MREG: variants seen among roughly 807,000 people sequenced by gnomAD.
MREG encodes dilute suppressor protein homolog.
MREG carries 31 observed loss-of-function variants against 28.5 expected under a neutral mutation model. That is an observed-to-expected ratio of 1.09 (90% CI 0.82 to 1.47). The LOEUF is 1.47. Among genes scored for constraint, MREG ranks in the 40% most tolerant of loss-of-function variants. MREG has a pLI of 0.00. For missense variants in MREG, 256 were observed against 257.4 expected, an observed-to-expected ratio of 0.99 and a Z score of 0.04; for synonymous variants, 106 against 95.2, an observed-to-expected ratio of 1.11 and a Z score of -0.66.
chr2:215,961,761 C>G (rs553600115), intron 2 of MREG, among the ~76,000 whole-genome samples: 1 of 152,218 alleles, frequency 6.6e-6, no homozygotes, highest in South Asian at 2.1e-4. Flanking sequence ...ATCTACTTGC[C>G]CTTTCACTGA....
chr2:215,973,320 T>C (rs569811510), intron 2 of MREG, among the ~76,000 whole-genome samples: 2 of 152,300 alleles, frequency 1.3e-5, no homozygotes, highest in South Asian at 2.1e-4. Flanking sequence ...TCACTCCCCA[T>C]TGAAAGCAAC....
At chr2:216,010,559 G>A (rs1278891318) in intron 1 of MREG, among the ~76,000 whole-genome samples, 1 of 150,164 alleles carries the variant, frequency 6.7e-6, no homozygotes, top group Non-Finnish European at 1.5e-5. Context: ...GGGTTTCACC[G>A]TGTTAGCCAG....
At chr2:216,031,473 A>AAGAAAG (rs1234592327) in intron 1 of MREG, among the ~76,000 whole-genome samples, 2 of 110,568 alleles carry the variant, frequency 1.8e-5, no homozygotes, top group African/African-American at 6.6e-5. Flanking sequence ...GAAAGAAAGA[A>AAGAAAG]AGAGAAAGAA....
At chr2:215,958,734 C>A (rs1692701036) in intron 2 of MREG, among the ~76,000 whole-genome samples, 1 of 152,240 alleles carries the variant, frequency 6.6e-6, no homozygotes, top group African/African-American at 2.4e-5. Context: ...AATACTTCCT[C>A]CCCATCCCAC....
intron 1 of MREG, among the ~76,000 whole-genome samples, chr2:216,030,231 T>G (rs945480639): frequency 2.0e-5 from 3 of 152,194 alleles, no homozygotes; most frequent in Admixed American, 2.0e-4. Flanking sequence ...GTTTGAGAAA[T>G]TCCATTAAAA....
chr2:215,946,413 G>A lies in MREG; in HGVS notation c.346+610C>T, dbSNP rs1692320473. 2.6e-5 allele frequency among the ~76,000 whole-genome samples: 4 copies of A among 151,330 alleles called. No homozygotes were observed. In the South Asian group the frequency reaches 8.4e-4, roughly 32 times the overall value. On this transcript the variant is annotated intron_variant, in intron 3 of 4. Transcript: ENST00000263268. ...CTCTCTTTCAAAGCAAAAGGATCAA[G>A]GACTTCAGAACTGATAAATTCACTT...
chr2:216,019,851 C>T (rs1694496560), intron 1 of MREG, among the ~76,000 whole-genome samples: 1 of 152,080 alleles, frequency 6.6e-6, no homozygotes, highest in South Asian at 2.1e-4. Context: ...CTCCCTTCCC[C>T]AAAATATATA....
intron 2 of MREG, among the ~76,000 whole-genome samples, chr2:215,961,753 C>T (rs1692796900): frequency 6.6e-6 from 1 of 152,158 alleles, no homozygotes; most frequent in Non-Finnish European, 1.5e-5. Flanking sequence ...CCAGAGCTAT[C>T]TACTTGCCCT....
intron 2 of MREG, among the ~76,000 whole-genome samples, chr2:215,957,613 G>A (rs1692660297): frequency 6.6e-6 from 1 of 152,122 alleles, no homozygotes; most frequent in Non-Finnish European, 1.5e-5. Flanking sequence ...TCTGCAGCAG[G>A]GAGGGCTGTG....
chr2:215,990,343 T>G (rs1559189295), intron 2 of MREG, among the ~76,000 whole-genome samples: 1 of 151,964 alleles, frequency 6.6e-6, no homozygotes, highest in East Asian at 1.9e-4. Flanking sequence ...GACAAGCAAA[T>G]ACTGAGAGAT....
chr2:215,982,946 A>G (rs1693469791), intron 2 of MREG, among the ~76,000 whole-genome samples: 1 of 152,164 alleles, frequency 6.6e-6, no homozygotes, highest in Admixed American at 6.5e-5. Flanking sequence ...TACCTAGAAA[A>G]TAGAGTGCAA....
At chr2:216,015,422 G>A (rs992536704), upstream of MREG, among the ~76,000 whole-genome samples, 1 of 152,142 alleles carries the variant, frequency 6.6e-6, no homozygotes, top group Non-Finnish European at 1.5e-5. Context: ...GACTCTAGGG[G>A]CCCTAGAGAG....
At chr2:216,007,447 T>TTTA (rs1256580353) in intron 1 of MREG, among the ~76,000 whole-genome samples, 1 of 105,692 alleles carries the variant, frequency 9.5e-6, no homozygotes, top group Non-Finnish European at 2.1e-5. Context: ...TTATTTATTT[T>TTTA]GAGATGGAGT....
At chr2:215,976,071 G>T (rs1693249362) in intron 2 of MREG, among the ~76,000 whole-genome samples, 1 of 149,940 alleles carries the variant, frequency 6.7e-6, no homozygotes, top group Non-Finnish European at 1.5e-5. Flanking sequence ...TCGCACCACT[G>T]CCCTCCAGCC....
intron 1 of MREG, among the ~76,000 whole-genome samples, chr2:216,026,220 G>T (rs1694592167): frequency 6.6e-6 from 1 of 152,166 alleles, no homozygotes; most frequent in African/African-American, 2.4e-5. Flanking sequence ...AAGAACAACT[G>T]CTTAATGTAT....
chr2:216,024,915 G>A (rs1574662432), intron 1 of MREG, among the ~76,000 whole-genome samples: 4 of 106,804 alleles, frequency 3.7e-5, no homozygotes, highest in South Asian at 3.2e-4. Context: ...GGAAGGGAAA[G>A]GAAAAAAAAA....
chr2:215,971,955 G>C (rs116586353), intron 2 of MREG, among the ~76,000 whole-genome samples: 1 of 152,100 alleles, frequency 6.6e-6, no homozygotes, highest in Non-Finnish European at 1.5e-5. Flanking sequence ...AGACATTCCC[G>C]GCACCCGCAG....
At chr2:215,963,434 T>TA (rs1692848859) in intron 2 of MREG, among the ~76,000 whole-genome samples, 2 of 104,218 alleles carry the variant, frequency 1.9e-5, no homozygotes, top group African/African-American at 4.7e-5. Flanking sequence ...AGAACCCATC[T>TA]CAAAAAAAAA....
intron 1 of MREG, among the ~76,000 whole-genome samples, chr2:216,006,483 G>A (rs115408525): frequency 0.019 from 2,955 of 152,294 alleles, 37 homozygotes; most frequent in Non-Finnish European, 0.03. Context: ...GCCCCTGCAG[G>A]CACTTCCTGT....
Sources: gnomAD v4.1 joint callset for allele counts (sites outside exome capture counted in the v4.1 genomes callset) on GRCh38, gnomAD v4.1.1 for gene constraint, MANE v1.5 for transcripts, NCBI Gene and HGNC (gene_info 2026-07-23, HGNC 2026-07-21) for gene names.